TFB1M: variants seen among roughly 807,000 people sequenced by gnomAD.
TFB1M encodes the protein transcription factor B1, mitochondrial.
A neutral mutation model predicts 31.1 loss-of-function variants in TFB1M; 27 were observed. The ratio of observed to expected loss-of-function variants is 0.87; its 90% CI spans 0.64 to 1.20. The LOEUF (loss-of-function observed/expected upper bound fraction) is 1.20. Ranked by LOEUF, TFB1M falls within the 50% of genes most tolerant of loss-of-function variation. The pLI is 0.00. For missense variants in TFB1M, 394 were observed against 418.7 expected (o/e 0.94, Z 0.51); for synonymous variants, 166 against 151.8 (o/e 1.09, Z -0.69).
chr6:155,248,213 T>C, the TFB1M span: 3 of 1,598,668 alleles, frequency 1.9e-6, no homozygotes, highest in Non-Finnish European at 2.6e-6. Flanking sequence ...GGCGAGGGCC[T>C]GCACAGGGCG....
intron 4 of TFB1M, among the ~76,000 whole-genome samples, chr6:155,289,368 C>T (rs77226326): frequency 6.6e-6 from 1 of 152,140 alleles, no homozygotes; most frequent in Non-Finnish European, 1.5e-5. Context: ...TTCAGCCTTC[C>T]CTGTAACTAC....
chr6:155,295,356 ACT>A (rs1485717076), intron 4 of TFB1M, among the ~76,000 whole-genome samples: 2 of 150,806 alleles, frequency 1.3e-5, no homozygotes, highest in Non-Finnish European at 3.0e-5. Context: ...ACAGAGTGAG[ACT>A]CTGTCCAAAA....
chr6:155,241,879 C>T, the TFB1M span, among the ~76,000 whole-genome samples: 2 of 152,220 alleles, frequency 1.3e-5, no homozygotes, highest in Non-Finnish European at 2.9e-5. Context: ...ATTTTGGAAG[C>T]TTCAGAGCCC....
chr6:155,259,566 T>C (rs1424410711), intron 6 of TFB1M, among the ~76,000 whole-genome samples: 1 of 152,188 alleles, frequency 6.6e-6, no homozygotes, highest in South Asian at 2.1e-4. Context: ...TTTTAGAAAA[T>C]GAGAAATATG....
intron 2 of TFB1M, among the ~76,000 whole-genome samples, chr6:155,306,639 G>T (rs1415985282): frequency 1.3e-5 from 2 of 152,034 alleles, no homozygotes; most frequent in African/African-American, 4.8e-5. Context: ...AGTACATATT[G>T]TATGATTCCA....
intron 5 of TFB1M, chr6:155,276,466 T>C (rs777017375): frequency 8.2e-7 from 1 of 1,218,150 alleles, no homozygotes. Flanking sequence ...TGCTTAACTT[T>C]CCCTACAAAG....
chr6:155,298,463 C>T lies in TFB1M; in HGVS notation c.394+14G>A, dbSNP rs1453014497. The T allele has an allele frequency of 2.9e-6, 4 of 1,379,126 alleles. No homozygotes were observed. Among genetic ancestry groups the T allele is most frequent in the Non-Finnish European group, 4.1e-6 (4 of 966,146 alleles). 85.4% of individuals were successfully genotyped at this position (1,379,126 alleles called of 1,614,324 possible). A position where few individuals can be genotyped will look rare whatever the true frequency, so the allele number is the denominator to read the frequency against. ...CATAAAAGAAATGTTTTATAACTAC[C>T]CAAAAGCACTCACCATCTTCCCAGG... On this transcript the variant is annotated intron_variant, in intron 3 of 6. Transcript: ENST00000367166.
At chr6:155,290,492 G>A (rs1340172922) in intron 4 of TFB1M, among the ~76,000 whole-genome samples, 2 of 151,568 alleles carry the variant, frequency 1.3e-5, no homozygotes, top group Non-Finnish European at 2.9e-5. Flanking sequence ...GAGGACCAGT[G>A]TTACCTAGAC....
the TFB1M span, among the ~76,000 whole-genome samples, chr6:155,239,534 C>T: frequency 6.6e-6 from 1 of 152,222 alleles, no homozygotes; most frequent in Non-Finnish European, 1.5e-5. Flanking sequence ...AAGCGTTTCA[C>T]CTGTGAGGCT....
downstream of TFB1M, chr6:155,254,592 TTG>T (rs1224608757): frequency 6.2e-7 from 1 of 1,605,142 alleles, no homozygotes; most frequent in Admixed American, 1.7e-5. Flanking sequence ...TTTGCTAGCC[TTG>T]TGTTTATTCA....
At chr6:155,251,672 G>A (rs1783662940), downstream of TFB1M, among the ~76,000 whole-genome samples, 1 of 152,196 alleles carries the variant, frequency 6.6e-6, no homozygotes, top group Admixed American at 6.5e-5. Context: ...TATTGTCACT[G>A]AGATGAACAC....
chr6:155,249,039 A>T, the TFB1M span, among the ~76,000 whole-genome samples: 1 of 152,230 alleles, frequency 6.6e-6, no homozygotes, highest in Admixed American at 6.5e-5. Context: ...AATTATGTTC[A>T]GCATTCATAC....
chr6:155,297,679 GT>G (rs1164183407), intron 3 of TFB1M, among the ~76,000 whole-genome samples: 1 of 152,184 alleles, frequency 6.6e-6, no homozygotes, highest in Non-Finnish European at 1.5e-5. Context: ...GGAGGGGCTG[GT>G]ATCAGGGAGA....
the TFB1M span, among the ~76,000 whole-genome samples, chr6:155,246,580 C>T: frequency 1.3e-5 from 2 of 152,220 alleles, no homozygotes; most frequent in East Asian, 1.9e-4. Context: ...AAGTGATCCT[C>T]CTATCTAGGC....
intron 5 of TFB1M, among the ~76,000 whole-genome samples, chr6:155,263,743 A>G (rs1462960779): frequency 6.6e-6 from 1 of 151,080 alleles, no homozygotes; most frequent in African/African-American, 2.5e-5. Flanking sequence ...GATGATTATC[A>G]TATGCCCAAA....
At chr6:155,290,178 A>T (rs1776846677) in intron 4 of TFB1M, among the ~76,000 whole-genome samples, 1 of 151,608 alleles carries the variant, frequency 6.6e-6, no homozygotes, top group South Asian at 2.1e-4. Context: ...CGAGGTCAGG[A>T]GATCGAGACC....
chr6:155,231,330 A>G, the TFB1M span, among the ~76,000 whole-genome samples: 1 of 152,244 alleles, frequency 6.6e-6, no homozygotes, highest in Non-Finnish European at 1.5e-5. Context: ...GGAACTGTCT[A>G]GTCTAGAAGA....
At chr6:155,261,910 T>C (rs1329213126) in intron 5 of TFB1M, among the ~76,000 whole-genome samples, 1 of 152,236 alleles carries the variant, frequency 6.6e-6, no homozygotes, top group Non-Finnish European at 1.5e-5. Flanking sequence ...GGTGGAACAG[T>C]AGTTATGAAC....
intron 5 of TFB1M, 132 bp from the exon 6 acceptor site, chr6:155,260,532 C>T: frequency 8.3e-7 from 1 of 1,201,650 alleles, no homozygotes; most frequent in Non-Finnish European, 1.2e-6. Flanking sequence ...TTTCCACGTA[C>T]TTCGGTTTCA....
Sources: allele counts gnomAD v4.1 joint callset (sites outside exome capture counted in the v4.1 genomes callset), GRCh38; gene constraint gnomAD v4.1.1; transcripts MANE v1.5; gene names NCBI Gene and HGNC (gene_info 2026-07-23, HGNC 2026-07-21).